Variants in NIBAN1 observed in about 807,000 individuals in gnomAD.
NIBAN1 encodes the protein protein Niban 1.
A neutral mutation model predicts 75.1 loss-of-function variants in NIBAN1; 81 were observed. That is an observed-to-expected ratio of 1.08 (90% CI 0.90 to 1.30). The LOEUF (loss-of-function observed/expected upper bound fraction) is 1.30, where lower values mean the gene tolerates loss of function less well. Among genes scored for constraint, NIBAN1 ranks in the 50% most tolerant of loss-of-function variants. The pLI, the probability that NIBAN1 is intolerant of heterozygous loss-of-function variation, is 0.00. For synonymous variants in NIBAN1, 436 were observed against 424.8 expected (o/e 1.03, Z -0.32); for missense variants, 1,133 against 1,128.1 (o/e 1.00, Z -0.06).
intron 2 of NIBAN1, among the ~76,000 whole-genome samples, chr1:184,897,310 GT>G (rs1656826716): frequency 6.6e-6 from 1 of 151,692 alleles, no homozygotes; most frequent in Non-Finnish European, 1.5e-5. Flanking sequence ...GTGTGTGTGT[GT>G]GTGTGTGGTG....
At chr1:184,800,785 A>T (rs1654017296) in intron 12 of NIBAN1, among the ~76,000 whole-genome samples, 1 of 152,248 alleles carries the variant, frequency 6.6e-6, no homozygotes, top group Non-Finnish European at 1.5e-5. Flanking sequence ...TATGTTGGGC[A>T]TATACCTAAA....
chr1:184,915,592 T>C (rs1657365205), intron 1 of NIBAN1, among the ~76,000 whole-genome samples: 1 of 152,150 alleles, frequency 6.6e-6, no homozygotes, highest in African/African-American at 2.4e-5. Flanking sequence ...TAGAATAATA[T>C]ATAAGGTATG....
At chr1:184,877,635 T>G (rs1391772273) in intron 5 of NIBAN1, among the ~76,000 whole-genome samples, 1 of 152,194 alleles carries the variant, frequency 6.6e-6, no homozygotes, top group Non-Finnish European at 1.5e-5. Flanking sequence ...TTCTCCAGGA[T>G]ATTTATATTT....
At chr1:184,877,978 T>C (rs1195178728) in intron 5 of NIBAN1, among the ~76,000 whole-genome samples, 6 of 152,182 alleles carry the variant, frequency 3.9e-5, no homozygotes, top group Non-Finnish European at 8.8e-5. Context: ...TGTTCCAATT[T>C]GTCATCCTGA....
At chr1:184,818,411 C>A (rs1321666797) in intron 9 of NIBAN1, among the ~76,000 whole-genome samples, 2 of 152,092 alleles carry the variant, frequency 1.3e-5, no homozygotes, top group African/African-American at 4.8e-5. Flanking sequence ...TATTATTTTT[C>A]TAACTTGAAA....
intron 5 of NIBAN1, among the ~76,000 whole-genome samples, chr1:184,866,079 C>T (rs1248803859): frequency 6.6e-6 from 1 of 152,136 alleles, no homozygotes; most frequent in African/African-American, 2.4e-5. Flanking sequence ...TATGTGCTTA[C>T]TACACCCCTA....
chr1:184,883,702 A>G lies in NIBAN1; in HGVS notation c.601+931T>C, dbSNP rs759860261. Among the ~76,000 whole-genome samples, 8 of 152,332 alleles carry G rather than the reference A, an allele frequency of 5.3e-5. No homozygotes were observed. The East Asian group carries it at 5.8e-4, about 11-fold the overall frequency. ...AGTGCCACTCGGCCGTGTGCTAGAA[A>G]AGCCAAGTCCAGGCCCCACGGTGTA... On this transcript the variant is annotated intron_variant, in intron 5 of 13. Transcript: ENST00000367511.
intron 1 of NIBAN1, among the ~76,000 whole-genome samples, chr1:184,926,485 A>C (rs537613733): frequency 2.0e-4 from 30 of 152,186 alleles, no homozygotes; most frequent in African/African-American, 5.8e-4. Flanking sequence ...TGATCTGTCC[A>C]CCTTGGCCTC....
At chr1:184,938,677 G>C in intron 1 of NIBAN1, among the ~76,000 whole-genome samples, 1 of 152,230 alleles carries the variant, frequency 6.6e-6, no homozygotes, top group Middle Eastern at 3.4e-3. Flanking sequence ...TTTCTATTCA[G>C]AAAATTTAAT....
intron 1 of NIBAN1, among the ~76,000 whole-genome samples, chr1:184,965,160 G>A (rs1309678367): frequency 6.6e-6 from 1 of 152,122 alleles, no homozygotes; most frequent in Non-Finnish European, 1.5e-5. Context: ...TTAGCCAGGT[G>A]TGGTGGTGGG....
chr1:184,861,209 C>T (rs1206321394), intron 5 of NIBAN1, among the ~76,000 whole-genome samples: 1 of 152,222 alleles, frequency 6.6e-6, no homozygotes, highest in African/African-American at 2.4e-5. Context: ...GCCAGACTTG[C>T]CAGCTCTTGC....
At chr1:184,862,186 C>G (rs1655835423) in intron 5 of NIBAN1, among the ~76,000 whole-genome samples, 1 of 152,150 alleles carries the variant, frequency 6.6e-6, no homozygotes, top group Admixed American at 6.5e-5. Flanking sequence ...TCTCCGAATG[C>G]TCCCCCTGCC....
intron 5 of NIBAN1, among the ~76,000 whole-genome samples, chr1:184,872,678 G>C (rs1656142160): frequency 6.6e-6 from 1 of 151,348 alleles, no homozygotes; most frequent in African/African-American, 2.4e-5. Flanking sequence ...TTGCACTCCA[G>C]CTTGGGCAAC....
At chr1:184,820,589 T>C (rs1056098665) in intron 8 of NIBAN1, among the ~76,000 whole-genome samples, 4 of 152,364 alleles carry the variant, frequency 2.6e-5, no homozygotes, top group Middle Eastern at 6.8e-3. Flanking sequence ...CCCATTCGTG[T>C]ATGCACTGCT....
intron 5 of NIBAN1, among the ~76,000 whole-genome samples, chr1:184,852,960 A>T (rs572876722): frequency 6.6e-6 from 1 of 152,154 alleles, no homozygotes; most frequent in Non-Finnish European, 1.5e-5. Context: ...ATAACAGTCC[A>T]TTTCATGGTT....
chr1:184,852,014 G>C (rs1283381870), intron 5 of NIBAN1, among the ~76,000 whole-genome samples: 1 of 152,026 alleles, frequency 6.6e-6, no homozygotes, highest in Non-Finnish European at 1.5e-5. Flanking sequence ...CCAATCCAAG[G>C]TGTTTGTAAA....
rs143031197 is a variant in NIBAN1 at position 184,836,315 on chromosome 1, A to G, written c.602-4353T>C. ...CAACCTAAGAAAACAAAGAGATGGA[A>G]GAAAATATGGTACTGTGTCTGGATG... On this transcript the variant is annotated intron_variant, in intron 5 of 13. Transcript: ENST00000367511. 1.9e-3 allele frequency among the ~76,000 whole-genome samples: 285 copies of G among 152,366 alleles called. 1 individual carries two copies. The highest frequency in any genetic ancestry group is 6.6e-3 in the African/African-American group (275 of 41,592).
chr1:184,903,900 TA>T (rs1270030987), intron 1 of NIBAN1, among the ~76,000 whole-genome samples: 1 of 150,908 alleles, frequency 6.6e-6, no homozygotes, highest in Non-Finnish European at 1.5e-5. Flanking sequence ...CCACACTTAT[TA>T]TTTTTTTTTT....
At chr1:184,809,310 A>G (rs973479502) in intron 9 of NIBAN1, among the ~76,000 whole-genome samples, 9 of 152,284 alleles carry the variant, frequency 5.9e-5, no homozygotes, top group African/African-American at 1.9e-4. Flanking sequence ...CTCCTCACCA[A>G]ATGGAATGTG....
Sources: gnomAD v4.1 joint callset for allele counts (sites outside exome capture counted in the v4.1 genomes callset) on GRCh38, gnomAD v4.1.1 for gene constraint, MANE v1.5 for transcripts, NCBI Gene and HGNC (gene_info 2026-07-23, HGNC 2026-07-21) for gene names.